The following NELL1 variants were observed in gnomAD, a reference collection of about 807,000 sequenced individuals.
NELL1 encodes the protein protein kinase C-binding protein NELL1.
A neutral mutation model predicts 107.4 loss-of-function variants in NELL1; 76 were observed. The observed-to-expected ratio is 0.71, with a 90% CI of 0.59 to 0.86. NELL1 has a LOEUF of 0.86. Ranked by LOEUF, NELL1 falls within the 40% of genes least tolerant of loss-of-function variation. The pLI is 0.00. For synonymous variants in NELL1, 353 were observed against 341.2 expected, an observed-to-expected ratio of 1.03 and a Z score of -0.38; for missense variants, 1,024 against 1,005.5, an observed-to-expected ratio of 1.02 and a Z score of -0.25.
At chr11:20,854,302 GCTAGGA>G (rs2134065464) in intron 4 of NELL1, among the ~76,000 whole-genome samples, 1 of 152,228 alleles carries the variant, frequency 6.6e-6, no homozygotes, top group South Asian at 2.1e-4. Context: ...AAAATGTGGG[GCTAGGA>G]CTAGATGACT....
At chr11:21,150,676 A>G (rs957765428) in intron 13 of NELL1, among the ~76,000 whole-genome samples, 3 of 152,080 alleles carry the variant, frequency 2.0e-5, no homozygotes, top group African/African-American at 7.2e-5. Context: ...GGGGTGGGCA[A>G]TTTTTTAATT....
chr11:20,769,747 G>C (rs1027516240), intron 2 of NELL1, among the ~76,000 whole-genome samples: 2 of 152,160 alleles, frequency 1.3e-5, no homozygotes, highest in East Asian at 3.9e-4. Flanking sequence ...GAAGGGTTGA[G>C]ATGTTGTCCC....
chr11:20,754,470 C>T (rs531433217), intron 2 of NELL1, among the ~76,000 whole-genome samples: 37 of 152,184 alleles, frequency 2.4e-4, no homozygotes, highest in Non-Finnish European at 3.8e-4. Context: ...TGCACGAACA[C>T]GTCACAGTTG....
intron 4 of NELL1, among the ~76,000 whole-genome samples, chr11:20,855,298 T>C (rs1442933872): frequency 6.6e-6 from 1 of 152,196 alleles, no homozygotes; most frequent in African/African-American, 2.4e-5. Flanking sequence ...ATCTGCATTT[T>C]TCTCCATCCA....
chr11:20,923,438 A>T (rs184110020), intron 7 of NELL1, among the ~76,000 whole-genome samples: 1 of 152,230 alleles, frequency 6.6e-6, no homozygotes, highest in East Asian at 1.9e-4. Flanking sequence ...CAGAGAAGAG[A>T]TGGGGCTGCT....
chr11:21,476,734 C>T (rs1469816912), intron 15 of NELL1, among the ~76,000 whole-genome samples: 7 of 152,062 alleles, frequency 4.6e-5, no homozygotes, highest in Non-Finnish European at 1.0e-4. Context: ...TAATGCCACC[C>T]GTCCCTCATC....
chr11:20,974,124 A>G (rs1419396198), intron 12 of NELL1, among the ~76,000 whole-genome samples: 1 of 152,200 alleles, frequency 6.6e-6, no homozygotes, highest in Non-Finnish European at 1.5e-5. Context: ...TGTTTTGCAG[A>G]TTGTTTTTTC....
chr11:21,145,332 A>G (rs1287599188), intron 13 of NELL1, among the ~76,000 whole-genome samples: 1 of 152,224 alleles, frequency 6.6e-6, no homozygotes, highest in Non-Finnish European at 1.5e-5. Flanking sequence ...GGCCACATCT[A>G]GAGCCCCAGT....
chr11:20,832,282 T>G (rs1278569145), intron 3 of NELL1, among the ~76,000 whole-genome samples: 1 of 152,250 alleles, frequency 6.6e-6, no homozygotes, highest in Non-Finnish European at 1.5e-5. Context: ...GCCTGGGCTT[T>G]TCATGCTGGG....
chr11:21,209,487 CTAAGTA>C, intron 13 of NELL1, among the ~76,000 whole-genome samples: 1 of 151,716 alleles, frequency 6.6e-6, no homozygotes, highest in East Asian at 1.9e-4. Context: ...AATATTTTGT[CTAAGTA>C]TAACTTTTGA....
intron 14 of NELL1, among the ~76,000 whole-genome samples, chr11:21,351,834 A>G (rs1156880248): frequency 3.9e-5 from 6 of 152,170 alleles, no homozygotes; most frequent in African/African-American, 1.2e-4. Context: ...GAGAGCGTCT[A>G]TTGAAACCTA....
intron 12 of NELL1, among the ~76,000 whole-genome samples, chr11:20,963,543 C>T (rs1851330675): frequency 6.6e-6 from 1 of 152,072 alleles, no homozygotes. Context: ...TTTATGATTA[C>T]ATTTAGATGA....
At chr11:20,677,495 A>G (rs1274740344) in intron 1 of NELL1, among the ~76,000 whole-genome samples, 1 of 152,218 alleles carries the variant, frequency 6.6e-6, no homozygotes, top group African/African-American at 2.4e-5. Flanking sequence ...CTAAACTGAT[A>G]TCAACCTATT....
rs776294059 is a variant in NELL1, at chr11:20,885,491, G to A, written c.554G>A (p.Gly185Glu). The A allele has an allele frequency of 1.9e-6, 3 of 1,613,736 alleles. No homozygotes were observed. Among genetic ancestry groups the A allele is most frequent in the South Asian group, 1.1e-5 (1 of 91,078 alleles). The change falls in exon 5 of 20, where the codon GGA becomes GAA. Residue 185 changes from glycine to glutamate, a missense_variant. Coordinates refer to ENST00000357134, the MANE Select transcript of NELL1 (RefSeq NM_006157.5). ...IDPPDTNLPP[G>E]INLWLGQRNQ... ...CCTCCAGATACCAACCTTCCCCCAGGAATCAATTTATGGCTTGGCCAGCGC... is the reference window on the plus strand; with the variant it reads ...CCTCCAGATACCAACCTTCCCCCAGAAATCAATTTATGGCTTGGCCAGCGC...
intron 3 of NELL1, among the ~76,000 whole-genome samples, chr11:20,838,406 A>G (rs531945038): frequency 2.4e-4 from 37 of 151,296 alleles, no homozygotes; most frequent in Non-Finnish European, 4.0e-4. Context: ...TAAATAAAAT[A>G]TAGACTTGGT....
intron 15 of NELL1, among the ~76,000 whole-genome samples, chr11:21,474,134 C>T (rs909621488): frequency 1.3e-4 from 20 of 151,942 alleles, no homozygotes; most frequent in African/African-American, 4.3e-4. Flanking sequence ...TCCTCTTTCC[C>T]CTCATCTCCT....
chr11:20,961,914 A>G (rs1311545577), intron 12 of NELL1, among the ~76,000 whole-genome samples: 1 of 152,180 alleles, frequency 6.6e-6, no homozygotes, highest in Non-Finnish European at 1.5e-5. Flanking sequence ...CTAGTTATCA[A>G]GAGGATATAT....
intron 14 of NELL1, among the ~76,000 whole-genome samples, chr11:21,331,949 C>G (rs1850281250): frequency 1.3e-5 from 2 of 152,000 alleles, no homozygotes. Flanking sequence ...CTTTGGCGCT[C>G]TTTCCCCTTG....
intron 5 of NELL1, among the ~76,000 whole-genome samples, chr11:20,917,012 ATGTGCTTGAAGG>A (rs1012185433): frequency 2.9e-4 from 44 of 152,122 alleles, no homozygotes; most frequent in African/African-American, 1.1e-3. Flanking sequence ...AAATTGCCAC[ATGTGCTTGAAGG>A]TGTGATAGCC....
Sources: gnomAD v4.1 joint callset for allele counts (sites outside exome capture counted in the v4.1 genomes callset) on GRCh38, gnomAD v4.1.1 for gene constraint, MANE v1.5 for transcripts, NCBI Gene and HGNC (gene_info 2026-07-23, HGNC 2026-07-21) for gene names.